Variants in DDAH1 observed in about 807,000 individuals in gnomAD.
DDAH1 encodes the protein N(G),N(G)-dimethylarginine dimethylaminohydrolase 1.
A neutral mutation model predicts 28.8 loss-of-function variants in DDAH1; 19 were observed. The ratio of observed to expected loss-of-function variants is 0.66; its 90% CI spans 0.46 to 0.97. DDAH1 has a LOEUF of 0.97. DDAH1 is among the 50% of genes least tolerant of loss of function. DDAH1 has a pLI of 0.00. For synonymous variants in DDAH1, 153 were observed against 154.4 expected, an observed-to-expected ratio of 0.99 and a Z score of 0.07; for missense variants, 326 against 375.9, an observed-to-expected ratio of 0.87 and a Z score of 1.10.
chr1:85,540,999 A>G (rs1194041225), intron 1 of DDAH1, among the ~76,000 whole-genome samples: 1 of 150,682 alleles, frequency 6.6e-6, no homozygotes, highest in Non-Finnish European at 1.5e-5. Context: ...ATCTATATCT[A>G]TATCTGTATC....
intron 4 of DDAH1, among the ~76,000 whole-genome samples, chr1:85,325,634 G>A (rs1163586249): frequency 6.6e-6 from 1 of 151,332 alleles, no homozygotes; most frequent in Non-Finnish European, 1.5e-5. Flanking sequence ...TACTTGGCAG[G>A]TCTGTTCTTC....
intron 4 of DDAH1, among the ~76,000 whole-genome samples, chr1:85,342,020 A>C (rs1648521667): frequency 6.6e-6 from 1 of 152,114 alleles, no homozygotes; most frequent in South Asian, 2.1e-4. Context: ...ACAGCATTTC[A>C]CCTTGACTGG....
intron 2 of DDAH1, among the ~76,000 whole-genome samples, chr1:85,492,447 T>A (rs1167849963): frequency 6.6e-5 from 10 of 152,162 alleles, no homozygotes. Context: ...AGAGGGAAAG[T>A]GCAGCCAAGA....
intron 1 of DDAH1, among the ~76,000 whole-genome samples, chr1:85,504,352 GT>G (rs908046744): frequency 1.3e-5 from 2 of 152,108 alleles, no homozygotes; most frequent in African/African-American, 4.8e-5. Flanking sequence ...AGAACAAAGG[GT>G]GATAACTTAT....
chr1:85,491,865 T>A (rs1317246901), intron 2 of DDAH1, among the ~76,000 whole-genome samples: 1 of 152,210 alleles, frequency 6.6e-6, no homozygotes, highest in East Asian at 1.9e-4. Flanking sequence ...GCAGTTTGCC[T>A]GTAATAACTA....
chr1:85,443,151 T>C (rs1372686949), intron 1 of DDAH1, among the ~76,000 whole-genome samples: 1 of 152,242 alleles, frequency 6.6e-6, no homozygotes, highest in Admixed American at 6.5e-5. Context: ...AGGATTTTTA[T>C]GGTTTTAGGT....
intron 1 of DDAH1, among the ~76,000 whole-genome samples, chr1:85,371,633 A>G (rs1403562618): frequency 6.6e-6 from 1 of 152,224 alleles, no homozygotes; most frequent in Non-Finnish European, 1.5e-5. Flanking sequence ...AGGCAAGGCT[A>G]TATAGCAAGA....
chr1:85,450,982 C>A (rs1276076868), intron 1 of DDAH1, among the ~76,000 whole-genome samples: 1 of 152,166 alleles, frequency 6.6e-6, no homozygotes, highest in Non-Finnish European at 1.5e-5. Context: ...TCAGTTGAGT[C>A]TGATGACCTA....
chr1:85,533,963 C>T (rs1457215547), intron 1 of DDAH1, among the ~76,000 whole-genome samples: 3 of 152,122 alleles, frequency 2.0e-5, no homozygotes, highest in Admixed American at 6.5e-5. Context: ...TAAAACAAAA[C>T]GTGGGCAATG....
intron 4 of DDAH1, among the ~76,000 whole-genome samples, chr1:85,345,472 T>C (rs553834117): frequency 6.6e-6 from 1 of 152,296 alleles, no homozygotes; most frequent in African/African-American, 2.4e-5. Flanking sequence ...TGCTGTTAAA[T>C]ATCTAGCATT....
At chr1:85,507,527 T>TAAATAAATAAACAAACAAAC (rs71075841) in intron 1 of DDAH1, among the ~76,000 whole-genome samples, 1,813 of 149,314 alleles carry the variant, frequency 0.012, 28 homozygotes, top group African/African-American at 0.034. Context: ...AATAAATAAA[T>TAAATAAATAAACAAACAAAC]AAACAAACAA....
rs1328042053 is a variant in DDAH1, at chr1:85,338,783, G to GT, written c.597+11631dup. ...TGGCTGGGTGTGATGGCTCATGCCT[G>GT]TAATTCCAGCACTTTGGGAGGCAGA... is the stretch of plus-strand genomic sequence containing the variant. On this transcript the variant is annotated intron_variant, in intron 4 of 5. Transcript: ENST00000284031. Among the ~76,000 whole-genome samples, 4 of 152,058 alleles carry GT rather than the reference G, an allele frequency of 2.6e-5. No individual in the cohort carries two copies. The South Asian group carries it at 8.3e-4, about 32-fold the overall frequency.
chr1:85,348,405 A>G (rs1648997261), intron 4 of DDAH1, among the ~76,000 whole-genome samples: 1 of 152,142 alleles, frequency 6.6e-6, no homozygotes, highest in Non-Finnish European at 1.5e-5. Context: ...AAAGACCCAG[A>G]TTGCTCCCTC....
intron 1 of DDAH1, among the ~76,000 whole-genome samples, chr1:85,384,173 G>A (rs191672540): frequency 2.8e-4 from 43 of 152,208 alleles, no homozygotes; most frequent in Middle Eastern, 3.4e-3. Flanking sequence ...TCATTTCTGC[G>A]TGAGTTCTGG....
intron 1 of DDAH1, among the ~76,000 whole-genome samples, chr1:85,387,603 C>G (rs1651343723): frequency 6.6e-6 from 1 of 152,160 alleles, no homozygotes; most frequent in Non-Finnish European, 1.5e-5. Flanking sequence ...AACCAATTAG[C>G]CAGTCTCTAA....
chr1:85,365,796 C>T (rs1650044773), intron 1 of DDAH1, among the ~76,000 whole-genome samples: 1 of 152,048 alleles, frequency 6.6e-6, no homozygotes, highest in African/African-American at 2.4e-5. Flanking sequence ...TGAGTAGGAC[C>T]TGTAAATATG....
chr1:85,523,123 C>T lies in DDAH1; in HGVS notation c.-122-26842G>A, dbSNP rs547544059. On this transcript the variant is annotated intron_variant, in intron 1 of 6. Coordinates refer to the DDAH1 transcript ENST00000426972. Reference sequence around the variant, plus strand: ...AGATGGTCAGAGGCCATTTAAGTTGCTTCTTGAATGGCCTGTAGGGCTCAC... The same window carrying T: ...AGATGGTCAGAGGCCATTTAAGTTGTTTCTTGAATGGCCTGTAGGGCTCAC... 2.3e-3 allele frequency among the ~76,000 whole-genome samples: 350 copies of T among 151,972 alleles called. 4 individuals are homozygous for T. Among genetic ancestry groups the T allele is most frequent in the African/African-American group, 8.1e-3 (336 of 41,416 alleles).
intron 1 of DDAH1, among the ~76,000 whole-genome samples, chr1:85,540,097 C>A (rs527237656): frequency 1.3e-5 from 2 of 150,342 alleles, no homozygotes; most frequent in Non-Finnish European, 3.0e-5. Context: ...AATATACATG[C>A]TAAGATTTTT....
At chr1:85,446,602 T>A (rs1654438956) in intron 1 of DDAH1, among the ~76,000 whole-genome samples, 1 of 152,154 alleles carries the variant, frequency 6.6e-6, no homozygotes, top group Non-Finnish European at 1.5e-5. Flanking sequence ...GCCAAAGACA[T>A]CAAGGTGGAA....
Sources: gnomAD v4.1 joint callset for allele counts (sites outside exome capture counted in the v4.1 genomes callset) on GRCh38, gnomAD v4.1.1 for gene constraint, MANE v1.5 for transcripts, NCBI Gene and HGNC (gene_info 2026-07-23, HGNC 2026-07-21) for gene names.